Variants in SCN9A observed in about 807,000 individuals in gnomAD.
SCN9A encodes sodium voltage-gated channel alpha subunit 9.
SCN9A carries 131 observed loss-of-function variants against 187.0 expected under a neutral mutation model. The observed-to-expected ratio is 0.70, with a 90% CI of 0.61 to 0.81. SCN9A has a LOEUF of 0.81. Ranked by LOEUF, SCN9A falls within the 30% of genes least tolerant of loss-of-function variation. The probability of loss-of-function intolerance (pLI) is 0.00; values close to 1 mark genes in which losing one functional copy is unlikely to be tolerated. For synonymous variants in SCN9A, 809 were observed against 808.6 expected, an observed-to-expected ratio of 1.00 and a Z score of -0.01; for missense variants, 2,252 against 2,396.6, an observed-to-expected ratio of 0.94 and a Z score of 1.26.
At chr2:166,251,683 C>G in intron 18 of SCN9A, 82 bp downstream of exon 18, 7 of 1,469,644 alleles carry the variant, frequency 4.8e-6, no homozygotes, top group Non-Finnish European at 6.6e-6. Flanking sequence ...TTACCGACAA[C>G]CTCTGGTAAG....
intron 17 of SCN9A, among the ~76,000 whole-genome samples, chr2:166,263,605 T>A (rs1696605689): frequency 6.6e-6 from 1 of 152,012 alleles, no homozygotes; most frequent in Admixed American, 6.6e-5. Flanking sequence ...GTCTTCTAAG[T>A]CAAAATTCTT....
chr2:166,283,374 AACTTT>A lies in SCN9A; in HGVS notation c.1974+1074_1974+1078del, dbSNP rs1697581447. Among the ~76,000 whole-genome samples, 3 of 152,176 alleles carry A rather than the reference AACTTT, an allele frequency of 2.0e-5. No individual in the cohort carries two copies. In the South Asian group the frequency reaches 6.2e-4, roughly 31 times the overall value. ...ATATGTGTGGCCATGGATTTGATGGAACTTTACTCTCACTTGAAATACTACATTGT... is the reference window on the plus strand; with the variant it reads ...ATATGTGTGGCCATGGATTTGATGGAACTCTCACTTGAAATACTACATTGT... On this transcript the variant is annotated intron_variant, in intron 12 of 26. Coordinates refer to ENST00000642356, the MANE Select transcript of SCN9A (RefSeq NM_001365536.1).
rs1274875710 is a variant in SCN9A at position 166,196,445 on chromosome 2, A to G, written c.*2227T>C. ...GCTAAGAAGAAATTGTGTTGTTAAC[A>G]AACCAGTTGCCCATATTTTTTATTT... On this transcript the variant is annotated 3_prime_UTR_variant, in exon 27 of 27. Coordinates refer to ENST00000642356, the MANE Select transcript of SCN9A (RefSeq NM_001365536.1). 1 of 152,190 alleles carries G rather than the reference A, an allele frequency of 6.6e-6. No homozygotes were observed. Among genetic ancestry groups the G allele is most frequent in the Non-Finnish European group, 1.5e-5 (1 of 68,014 alleles). 9.4% of individuals were successfully genotyped at this position (152,190 alleles called of 1,614,324 possible).
At chr2:166,293,879 T>G (rs889074963) in intron 8 of SCN9A, among the ~76,000 whole-genome samples, 1 of 152,190 alleles carries the variant, frequency 6.6e-6, no homozygotes, top group Non-Finnish European at 1.5e-5. Flanking sequence ...GCTTTAAGAC[T>G]TTTTTCTTTC....
intron 1 of SCN9A, among the ~76,000 whole-genome samples, chr2:166,340,540 C>CT (rs1559050808): frequency 0.055 from 6,146 of 111,272 alleles, 459 homozygotes; most frequent in Non-Finnish European, 0.078. Context: ...TCTTTTCTTT[C>CT]CCTTTCTTTC....
In SCN9A at chr2:166,279,324, T is replaced by C. The variant is rs377104411; in HGVS notation, c.2344-1011A>G. On this transcript the variant is annotated intron_variant, in intron 14 of 26. Coordinates refer to ENST00000642356, the MANE Select transcript of SCN9A (RefSeq NM_001365536.1). ...TCTGGTCTTCAAATGTCAATTTGTT[T>C]GGGACCACAGCAAAAGCAAAATTAT... Among the ~76,000 whole-genome samples the C allele has an allele frequency of 2.0e-5, 3 of 152,292 alleles. No homozygotes were observed. In the South Asian group the frequency reaches 6.2e-4, roughly 32 times the overall value.
chr2:166,220,698 A>G (rs1438911380), intron 24 of SCN9A, among the ~76,000 whole-genome samples: 1 of 152,198 alleles, frequency 6.6e-6, no homozygotes, highest in Non-Finnish European at 1.5e-5. Context: ...TGAAAATCCC[A>G]CAGCTAACAT....
In SCN9A at chr2:166,303,085, C is replaced by G. The variant is rs756005334; in HGVS notation, c.901+5G>C. On this transcript the variant is annotated splice_donor_5th_base_variant and intron_variant, in intron 7 of 26. Transcript: ENST00000642356. ...ACCTAATAACAAATGCAAGGACATT[C>G]TTACTTCTAAAGTCTTCTTCACTCT... 2.4e-5 allele frequency: 38 copies of G among 1,570,162 alleles called. No homozygotes were observed. The highest frequency in any genetic ancestry group is 3.1e-5 in the Non-Finnish European group (36 of 1,147,918).
chr2:166,313,814 G>A (rs1247921038), intron 1 of SCN9A, among the ~76,000 whole-genome samples: 1 of 152,156 alleles, frequency 6.6e-6, no homozygotes, highest in Non-Finnish European at 1.5e-5. Flanking sequence ...CTTTCAACAT[G>A]CCTTCCTCAC....
At chr2:166,306,312 A>G (rs2106526913) in intron 4 of SCN9A, among the ~76,000 whole-genome samples, 198 bp downstream of exon 4, 1 of 152,298 alleles carries the variant, frequency 6.6e-6, no homozygotes, top group South Asian at 2.1e-4. Context: ...ATTCTTTGAG[A>G]AAACACTGTA....
intron 18 of SCN9A, chr2:166,248,405 C>A (rs1423669814): frequency 6.6e-6 from 1 of 152,108 alleles, no homozygotes; most frequent in Non-Finnish European, 1.5e-5. Flanking sequence ...TCAGCTCTAA[C>A]TTCAAAATAT....
In SCN9A at chr2:166,322,992, T is replaced by C. The variant is rs558924666; in HGVS notation, c.-50-11186A>G. Among the ~76,000 whole-genome samples the C allele has an allele frequency of 2.6e-5, 4 of 152,324 alleles. No individual in the cohort carries two copies. The South Asian group carries it at 8.3e-4, about 32-fold the overall frequency. On this transcript the variant is annotated intron_variant, in intron 1 of 26. Coordinates refer to ENST00000642356, the MANE Select transcript of SCN9A (RefSeq NM_001365536.1). ...AATGACTGTTGATTGCTCAAAGGAT[T>C]GGGTCACTGCAGAATTTCCTTTCTT...
At position 166,307,000 on chromosome 2, in the gene SCN9A, A is replaced by G; in HGVS notation, c.333T>C (p.Pro111=). 1.9e-6 allele frequency: 3 copies of G among 1,611,128 alleles called. No individual in the cohort carries two copies. The highest frequency in any genetic ancestry group is 1.7e-5 in the Admixed American group (1 of 59,982). ...TAGATATTCTTCTTAGAGGACTGAA[A>G]GGAGAAAGCATATATAAAGCAGGTG... ...NATPALYMLS[P]FSPLRRISIK... is the part of the protein sequence containing the mutation. The change falls in exon 3 of 27, where the codon CCT becomes CCC. Residue 111 remains proline, a synonymous_variant. Transcript: ENST00000642356.
chr2:166,242,498 T>C lies in SCN9A; in HGVS notation c.3627+4A>G. On this transcript the variant is annotated splice_donor_region_variant and intron_variant, in intron 19 of 26. Coordinates refer to ENST00000642356, the MANE Select transcript of SCN9A (RefSeq NM_001365536.1). ...TATATTGACTTAGGTGTCAGATCAT[T>C]TACCAGGGCACCACTGCTGAGCAGG... 1 of 1,572,206 alleles carries C rather than the reference T, an allele frequency of 6.4e-7. No individual in the cohort carries two copies. The highest frequency in any genetic ancestry group is 1.2e-5 in the South Asian group (1 of 83,114).
rs752246900 is a variant in SCN9A, at chr2:166,203,980, A to T, written c.4749T>A (p.Phe1583Leu). The stretch of plus-strand genomic sequence containing the variant: ...CTACAATGGAGATAATCACAACCAC[A>T]AAATCAAAAATATTCCATCCTACAG... ...YFTVGWNIFDFVVVIISIVGM... is the reference protein window; with the variant it reads ...YFTVGWNIFDLVVVIISIVGM... Residue 1583 changes from phenylalanine to leucine, a missense_variant, in exon 26 of 27, where the codon TTT becomes TTA. Phe to Leu is a conservative substitution (Grantham distance 22, BLOSUM62 0). Around this residue, in one of 7 missense-constraint regions of SCN9A, gnomAD observed 368 missense variants for 408.6 expected, o/e 0.90. Coordinates refer to ENST00000642356, the MANE Select transcript of SCN9A (RefSeq NM_001365536.1). 2.5e-6 allele frequency: 4 copies of T among 1,595,064 alleles called. No individual in the cohort carries two copies.
intron 16 of SCN9A, among the ~76,000 whole-genome samples, chr2:166,275,665 G>GCATTT (rs1335982368): frequency 6.6e-6 from 1 of 151,916 alleles, no homozygotes; most frequent in Non-Finnish European, 1.5e-5. Flanking sequence ...AAGAGAATGT[G>GCATTT]CATTTCATTC....
In SCN9A at chr2:166,213,023, C is replaced by T. The variant is rs182665120; in HGVS notation, c.4399-8559G>A. Among the ~76,000 whole-genome samples the T allele has an allele frequency of 2.4e-3, 370 of 151,924 alleles. 3 individuals are homozygous for T. The highest frequency in any genetic ancestry group is 8.5e-3 in the African/African-American group (353 of 41,440). ...CAAATCTTATTGAGATACATGTCTA[C>T]ATTATAAAAAGAAATATCTCATATA... On this transcript the variant is annotated intron_variant, in intron 24 of 26. Transcript: ENST00000642356.
intron 24 of SCN9A, among the ~76,000 whole-genome samples, chr2:166,221,284 T>G (rs901829071): frequency 2.0e-5 from 3 of 151,902 alleles, no homozygotes; most frequent in African/African-American, 7.3e-5. Flanking sequence ...CCAATAGCAT[T>G]ATTTACTAAA....
intron 17 of SCN9A, among the ~76,000 whole-genome samples, chr2:166,268,277 G>T (rs942355149): frequency 1.4e-4 from 22 of 152,020 alleles, no homozygotes; most frequent in Admixed American, 2.6e-4. Flanking sequence ...TTAAAAAGTG[G>T]CATTCTTAAC....
Sources: allele counts gnomAD v4.1 joint callset (sites outside exome capture counted in the v4.1 genomes callset), GRCh38; gene constraint gnomAD v4.1.1; regional missense constraint gnomAD v4.1.1; transcripts MANE v1.5; gene names NCBI Gene and HGNC (gene_info 2026-07-23, HGNC 2026-07-21).